CLNK: variants seen among roughly 807,000 people sequenced by gnomAD.
The protein encoded by CLNK is cytokine-dependent hematopoietic cell linker.
In CLNK, 74 loss-of-function variants were observed where a neutral mutation model predicts 68.6. That is an observed-to-expected ratio of 1.08 (90% CI 0.89 to 1.31). CLNK has a LOEUF of 1.31. CLNK is among the 50% of genes most tolerant of loss of function. The probability of loss-of-function intolerance (pLI) is 0.00; values close to 1 mark genes in which losing one functional copy is unlikely to be tolerated. For synonymous variants in CLNK, 198 were observed against 172.2 expected, an observed-to-expected ratio of 1.15 and a Z score of -1.17; for missense variants, 553 against 515.3, an observed-to-expected ratio of 1.07 and a Z score of -0.71.
At chr4:10,577,301 G>C (rs977926694) in intron 4 of CLNK, among the ~76,000 whole-genome samples, 4 of 152,180 alleles carry the variant, frequency 2.6e-5, no homozygotes, top group African/African-American at 7.2e-5. Context: ...CTCCAAATCT[G>C]CAGGTTGCCA....
the CLNK span, among the ~76,000 whole-genome samples, chr4:10,725,501 G>A: frequency 6.6e-6 from 1 of 151,990 alleles, no homozygotes; most frequent in East Asian, 1.9e-4. Flanking sequence ...CATCAGAAGT[G>A]ACTACCCCCC....
At chr4:10,552,097 C>T (rs1238522555) in intron 8 of CLNK, among the ~76,000 whole-genome samples, 1 of 152,094 alleles carries the variant, frequency 6.6e-6, no homozygotes, top group African/African-American at 2.4e-5. Flanking sequence ...ACCTCCTGAT[C>T]TGCCCACCTC....
intron 8 of CLNK, among the ~76,000 whole-genome samples, chr4:10,558,131 G>A (rs557044471): frequency 6.6e-6 from 1 of 152,252 alleles, no homozygotes; most frequent in East Asian, 1.9e-4. Flanking sequence ...TATATTTAAT[G>A]CAATCCATAT....
At chr4:10,726,132 G>A in the CLNK span, among the ~76,000 whole-genome samples, 1 of 152,058 alleles carries the variant, frequency 6.6e-6, no homozygotes, top group Non-Finnish European at 1.5e-5. Flanking sequence ...GCTTCTGCTA[G>A]CATCACCCTA....
intron 2 of CLNK, among the ~76,000 whole-genome samples, chr4:10,607,398 C>T (rs115530958): frequency 0.015 from 2,217 of 152,314 alleles, 26 homozygotes; most frequent in Non-Finnish European, 0.025. Flanking sequence ...CTCTCCTGAT[C>T]TGGGTTGTTT....
intron 3 of CLNK, among the ~76,000 whole-genome samples, chr4:10,588,002 T>C (rs181695495): frequency 3.9e-5 from 6 of 152,334 alleles, no homozygotes; most frequent in Admixed American, 2.0e-4. Context: ...GAGTGCTCTC[T>C]CTTGACACTT....
chr4:10,525,193 TAGCTGGGACTACA>T (rs1718256611), intron 14 of CLNK, among the ~76,000 whole-genome samples: 1 of 152,102 alleles, frequency 6.6e-6, no homozygotes. Flanking sequence ...GCCTCCCGAG[TAGCTGGGACTACA>T]GGCACCCGCC....
At chr4:10,499,382 A>G (rs1441012722) in intron 18 of CLNK, among the ~76,000 whole-genome samples, 2 of 152,134 alleles carry the variant, frequency 1.3e-5, no homozygotes, top group Non-Finnish European at 2.9e-5. Flanking sequence ...CGAGTGTTCA[A>G]TTTCCTTAGG....
intron 1 of CLNK, among the ~76,000 whole-genome samples, chr4:10,680,085 C>T (rs745853113): frequency 2.2e-4 from 33 of 151,998 alleles, no homozygotes; most frequent in Non-Finnish European, 4.7e-4. Context: ...TATTGCGGCA[C>T]TATTCACAAT....
intron 11 of CLNK, among the ~76,000 whole-genome samples, chr4:10,537,214 A>G (rs1197494520): frequency 6.6e-6 from 1 of 152,246 alleles, no homozygotes; most frequent in Non-Finnish European, 1.5e-5. Context: ...ACGGTGGCTC[A>G]CGTCTGTAAT....
In CLNK at chr4:10,601,147, A is replaced by C. The variant is rs373008760; in HGVS notation, c.12-3098T>G. Among the ~76,000 whole-genome samples, 23 of 152,242 alleles carry C rather than the reference A, an allele frequency of 1.5e-4. No homozygotes were observed. The South Asian group carries it at 2.9e-3, about 19-fold the overall frequency. ...GAGGAAACGGGACCCTAGAGTGGAG[A>C]GCATTTAGTTCCAGGTGGCCAGGCT... On this transcript the variant is annotated intron_variant, in intron 2 of 18. Transcript: ENST00000226951.
chr4:10,574,222 G>C (rs565879766), intron 4 of CLNK, among the ~76,000 whole-genome samples: 3 of 152,120 alleles, frequency 2.0e-5, no homozygotes, highest in Admixed American at 2.0e-4. Flanking sequence ...GGCCCCCAGA[G>C]CTCAGCACAA....
the CLNK span, among the ~76,000 whole-genome samples, chr4:10,706,591 C>A: frequency 2.0e-5 from 3 of 152,204 alleles, no homozygotes; most frequent in Admixed American, 2.0e-4. Flanking sequence ...TATCTGTCAT[C>A]TGCATACATC....
the CLNK span, among the ~76,000 whole-genome samples, chr4:10,722,748 G>A: frequency 6.6e-6 from 1 of 152,146 alleles, no homozygotes; most frequent in Non-Finnish European, 1.5e-5. Context: ...AATTTTCTGG[G>A]GTTTCAATAC....
At chr4:10,686,113 T>C (rs1725262120), upstream of CLNK, among the ~76,000 whole-genome samples, 2 of 152,154 alleles carry the variant, frequency 1.3e-5, no homozygotes, top group Non-Finnish European at 2.9e-5. Flanking sequence ...CTGAGAGCCA[T>C]GAGGAGAAGA....
intron 18 of CLNK, among the ~76,000 whole-genome samples, chr4:10,492,719 G>T (rs1347946348): frequency 6.6e-6 from 1 of 152,166 alleles, no homozygotes; most frequent in African/African-American, 2.4e-5. Flanking sequence ...GATGGGGGGA[G>T]GGGGTGTGTG....
chr4:10,501,145 C>T lies in CLNK; in HGVS notation c.1140+111G>A, dbSNP rs1243616783. On this transcript the variant is annotated intron_variant, in intron 18 of 18. Coordinates refer to ENST00000226951, the MANE Select transcript of CLNK (RefSeq NM_052964.4). ...TGGAAGGGGTGGGGAGGTCAGACTG[C>T]ATCCCTCTCCTTCAGGGCGGCATCC... 1.9e-5 allele frequency: 21 copies of T among 1,113,782 alleles called. No individual in the cohort carries two copies. The South Asian group carries it at 3.6e-4, about 19-fold the overall frequency. The allele number at this position is 1,113,782 out of a possible 1,614,324, so 69.0% of individuals were successfully genotyped here.
chr4:10,691,517 A>G, the CLNK span, among the ~76,000 whole-genome samples: 1 of 152,066 alleles, frequency 6.6e-6, no homozygotes. Flanking sequence ...TCAATTCTAC[A>G]TTTAAATGGC....
At position 10,513,476 on chromosome 4, in the gene CLNK, C is replaced by G. The variant is rs368343154; in HGVS notation, c.894G>C (p.Arg298Ser). 6.8e-6 allele frequency: 11 copies of G among 1,611,510 alleles called. No homozygotes were observed. The highest frequency in any genetic ancestry group is 9.3e-6 in the Non-Finnish European group (11 of 1,178,884). ...AGTGTCTGCTTACCTTTCTATCAGA[C>G]CTTTTGGGGAAAGGTGGTCTCCAGC... ...YTSWRPPFPK[R>S]SDRKDVQHNE... The change falls in exon 16 of 19, where the codon AGG (arginine) becomes AGC (serine). Residue 298 changes from arginine (R) to serine (S), a missense_variant. Arg to Ser is a moderately radical substitution (Grantham distance 110). Coordinates refer to ENST00000226951, the MANE Select transcript of CLNK (RefSeq NM_052964.4).
Sources: gnomAD v4.1 joint callset for allele counts (sites outside exome capture counted in the v4.1 genomes callset) on GRCh38, gnomAD v4.1.1 for gene constraint, MANE v1.5 for transcripts, NCBI Gene and HGNC (gene_info 2026-07-23, HGNC 2026-07-21) for gene names.